CD72: variants seen among roughly 807,000 people sequenced by gnomAD.
The protein encoded by CD72 is B-cell differentiation antigen CD72.
In CD72, 28 loss-of-function variants were observed where a neutral mutation model predicts 50.7. The ratio of observed to expected loss-of-function variants is 0.55; its 90% confidence interval spans 0.41 to 0.76. The LOEUF is 0.76. Among genes scored for constraint, CD72 ranks in the 30% least tolerant of loss-of-function variants. The pLI is 0.00. For missense variants in CD72, 403 were observed against 420.6 expected (o/e 0.96, Z 0.37); for synonymous variants, 176 against 171.2 (o/e 1.03, Z -0.22).
intron 2 of CD72, among the ~76,000 whole-genome samples, chr9:35,617,602 C>A (rs970507931): frequency 6.6e-6 from 1 of 152,098 alleles, no homozygotes; most frequent in Non-Finnish European, 1.5e-5. Context: ...CCCATTAGAA[C>A]TCATCCCCCA....
Position 35,610,674 on chromosome 9 carries a change from T to G in CD72, c.1030A>C (p.Ser344Arg). The G allele has an allele frequency of 1.2e-6, 2 of 1,613,542 alleles. No individual in the cohort carries two copies. Among genetic ancestry groups the G allele is most frequent in the Non-Finnish European group, 1.7e-6 (2 of 1,179,448 alleles). The change falls in exon 8 of 9, where the codon AGT becomes CGT. Residue 344 changes from serine to arginine, a missense_variant. Coordinates refer to ENST00000259633, the MANE Select transcript of CD72 (RefSeq NM_001782.3). ...WWTLESESCR[S>R]SLPYICEMTA... is the part of the protein sequence containing the mutation. ...ATCTCACAGATGTAGGGAAGAGAACTTCTACATGACTCTGACTCCAGTGTC... is the reference window on the plus strand; with the variant it reads ...ATCTCACAGATGTAGGGAAGAGAACGTCTACATGACTCTGACTCCAGTGTC...
At chr9:35,642,757 C>T (rs1823351458) in intron 1 of CD72, 1 of 152,142 alleles carries the variant, frequency 6.6e-6, no homozygotes, top group Non-Finnish European at 1.5e-5. Flanking sequence ...CTGGCTATTT[C>T]GCTGTACCTG....
At chr9:35,626,883 G>A (rs1179227015) in intron 1 of CD72, among the ~76,000 whole-genome samples, 1 of 150,600 alleles carries the variant, frequency 6.6e-6, no homozygotes, top group African/African-American at 2.4e-5. Context: ...ATGGAGTCTC[G>A]CACTGTCTCC....
At position 35,610,515 on chromosome 9, in the gene CD72, G is replaced by C. The variant is rs558415216; in HGVS notation, c.*22+87C>G. The C allele has an allele frequency of 5.6e-6, 5 of 887,852 alleles. No individual in the cohort carries two copies. In the Admixed American group the frequency reaches 1.6e-4, roughly 29 times the overall value. The allele number at this position is 887,852 out of a possible 1,614,324, so 55.0% of individuals were successfully genotyped here. A position where few individuals can be genotyped will look rare whatever the true frequency, so the allele number is the denominator to read the frequency against. On this transcript the variant is annotated intron_variant, in intron 8 of 8. Transcript: ENST00000259633. ...TCATCCCAGGTACAAGTTTTCTCTC[G>C]GGCCCCTGGGCCCCTGCTCTGAGTC...
At chr9:35,617,646 CCCCGAAAGGGGTCT>C (rs1162872887) in intron 2 of CD72, among the ~76,000 whole-genome samples, 3 of 152,150 alleles carry the variant, frequency 2.0e-5, no homozygotes, top group African/African-American at 7.2e-5. Context: ...GCCCTTATCT[CCCCGAAAGGGGTCT>C]CCACCTTGCG....
intron 1 of CD72, among the ~76,000 whole-genome samples, chr9:35,639,514 A>G (rs1823320359): frequency 1.3e-5 from 2 of 152,350 alleles, no homozygotes; most frequent in South Asian, 4.1e-4. Flanking sequence ...CACAACTGTC[A>G]AGGAGACAGT....
intron 1 of CD72, among the ~76,000 whole-genome samples, chr9:35,629,231 G>T (rs370772261): frequency 1.3e-5 from 2 of 152,126 alleles, no homozygotes; most frequent in Non-Finnish European, 2.9e-5. Flanking sequence ...GAATTTGAGC[G>T]TATTTTCATG....
At chr9:35,616,715 G>A (rs747314844) in intron 3 of CD72, 26 bp from the exon 4 acceptor site, 7 of 1,570,178 alleles carry the variant, frequency 4.5e-6, no homozygotes, top group South Asian at 4.4e-5. Context: ...GGATGGATGA[G>A]GGCAGTCAGC....
Position 35,612,856 on chromosome 9 carries a change from G to T in CD72, c.826C>A (p.Pro276Thr). 1 of 1,614,142 alleles carries T rather than the reference G, an allele frequency of 6.2e-7. No individual in the cohort carries two copies. Among genetic ancestry groups the T allele is most frequent in the Non-Finnish European group, 8.5e-7 (1 of 1,179,986 alleles). ...SKLATFSEIY[P>T]QSHSYYFLNS... ...AGTAAGGATATGCTTACTGATTGTG[G>T]ATAAATTTCACTGAATGTGGCCAGC... is the stretch of plus-strand genomic sequence containing the variant. Residue 276 changes from proline to threonine, a missense_variant, in exon 6 of 9, where the codon CCA becomes ACA. Transcript: ENST00000259633.
In CD72 at chr9:35,616,111, C is replaced by T. The variant is rs1457503688; in HGVS notation, c.520G>A (p.Glu174Lys). The change falls in exon 5 of 9, where the codon GAA becomes AAA. Residue 174 changes from glutamate (E) to lysine (K), a missense_variant. Transcript: ENST00000259633. ...TCGGCCGCCTGATGAGCCCTCTGTT[C>T]CACCTGTAGTGCTTCCTGACTCTGC... ...LAQSQEALQVEQRAHQAAEGQ... is the reference protein window; with the variant it reads ...LAQSQEALQVKQRAHQAAEGQ... 8.7e-6 allele frequency: 14 copies of T among 1,614,190 alleles called. No individual in the cohort carries two copies. Among genetic ancestry groups the T allele is most frequent in the Non-Finnish European group, 1.2e-5 (14 of 1,180,046 alleles).
chr9:35,641,087 G>A (rs1823335950), intron 1 of CD72, among the ~76,000 whole-genome samples: 1 of 152,144 alleles, frequency 6.6e-6, no homozygotes, highest in Non-Finnish European at 1.5e-5. Context: ...CCTCTCAACA[G>A]GAAAACCCAA....
At chr9:35,616,836 TGTCGG>T in intron 3 of CD72, 147 bp from the exon 4 acceptor site, 1 of 1,000,566 alleles carries the variant, frequency 1.0e-6, no homozygotes, top group South Asian at 1.5e-5. Flanking sequence ...TGGTGGTTTC[TGTCGG>T]GTAGCGGGGT....
intron 1 of CD72, among the ~76,000 whole-genome samples, chr9:35,632,079 A>G (rs1225795586): frequency 1.3e-5 from 2 of 152,018 alleles, no homozygotes; most frequent in Non-Finnish European, 2.9e-5. Flanking sequence ...TCCTGGGTCA[A>G]TTTTGGTAAT....
intron 1 of CD72, among the ~76,000 whole-genome samples, chr9:35,630,098 C>T (rs1227059161): frequency 1.4e-5 from 2 of 147,962 alleles, no homozygotes; most frequent in Non-Finnish European, 1.5e-5. Flanking sequence ...GGAGTGCAGC[C>T]GCGCGTCTCA....
chr9:35,629,497 G>C (rs926450839), intron 1 of CD72, among the ~76,000 whole-genome samples: 1 of 152,118 alleles, frequency 6.6e-6, no homozygotes, highest in Admixed American at 6.5e-5. Flanking sequence ...AAGAGATTTA[G>C]TACACAGAAT....
chr9:35,635,416 T>G (rs1010203085), intron 1 of CD72, among the ~76,000 whole-genome samples: 1 of 152,242 alleles, frequency 6.6e-6, no homozygotes, highest in South Asian at 2.1e-4. Context: ...TGAGACTTTT[T>G]TTCTATTTAA....
intron 1 of CD72, among the ~76,000 whole-genome samples, chr9:35,644,015 G>T (rs1248588205): frequency 6.7e-6 from 1 of 150,098 alleles, no homozygotes; most frequent in Admixed American, 6.6e-5. Context: ...ACTGTAGAAG[G>T]CACTTTAGAA....
At position 35,611,246 on chromosome 9, in the gene CD72, A is replaced by G. The variant is rs1185409148; in HGVS notation, c.951-493T>C. On this transcript the variant is annotated intron_variant, in intron 7 of 8. Transcript: ENST00000259633. The stretch of plus-strand genomic sequence containing the variant: ...AGTCTGGGCGACAGAGCGAGACTCC[A>G]TCTCAAAAAAAAAAAAAAGATGGGA... Among the ~76,000 whole-genome samples the G allele has an allele frequency of 3.3e-5, 5 of 151,304 alleles. No individual in the cohort carries two copies. In the South Asian group the frequency reaches 8.4e-4, roughly 25 times the overall value.
At chr9:35,613,120 A>G (rs749798089) in intron 5 of CD72, 127 bp from the exon 6 acceptor site, 157 of 779,374 alleles carry the variant, frequency 2.0e-4, no homozygotes, top group Non-Finnish European at 3.1e-4. Context: ...GATCTTTGCA[A>G]TCTTTCTTTT....
Sources: gnomAD v4.1 joint callset for allele counts (sites outside exome capture counted in the v4.1 genomes callset) on GRCh38, gnomAD v4.1.1 for gene constraint, MANE v1.5 for transcripts, NCBI Gene and HGNC (gene_info 2026-07-23, HGNC 2026-07-21) for gene names.